The following NDRG4 variants were observed in gnomAD, a reference collection of about 807,000 sequenced individuals.
The protein encoded by NDRG4 is NDRG family member 4, also known as protein NDRG4.
Under a neutral mutation model 55.8 loss-of-function variants are expected in NDRG4, and 38 were observed. That is an observed-to-expected ratio of 0.68 (90% confidence interval 0.53 to 0.89). NDRG4 has a LOEUF of 0.89. Ranked by LOEUF, NDRG4 falls within the 40% of genes least tolerant of loss-of-function variation. The pLI is 0.00. For synonymous variants in NDRG4, 190 were observed against 182.7 expected, an observed-to-expected ratio of 1.04 and a Z score of -0.32; for missense variants, 455 against 468.6, an observed-to-expected ratio of 0.97 and a Z score of 0.27.
At chr16:58,473,019 A>G (rs763938722) in intron 1 of NDRG4, among the ~76,000 whole-genome samples, 20 of 152,110 alleles carry the variant, frequency 1.3e-4, no homozygotes, top group Non-Finnish European at 2.5e-4. Context: ...CACTCCCTAG[A>G]TGACCTCATC....
chr16:58,507,898 C>A, intron 9 of NDRG4, 34 bp downstream of exon 9: 1 of 1,613,974 alleles, frequency 6.2e-7, no homozygotes, highest in Non-Finnish European at 8.5e-7. Context: ...CCTGCCCTGG[C>A]CTTTGCCCCC....
chr16:58,474,954 C>T (rs2033422024), intron 1 of NDRG4, among the ~76,000 whole-genome samples: 1 of 152,194 alleles, frequency 6.6e-6, no homozygotes, highest in Non-Finnish European at 1.5e-5. Context: ...AACAGAGTCC[C>T]TCTCTGCCAG....
chr16:58,465,899 T>G (rs2031559723), intron 1 of NDRG4, among the ~76,000 whole-genome samples: 1 of 152,118 alleles, frequency 6.6e-6, no homozygotes, highest in African/African-American at 2.4e-5. Flanking sequence ...CTTGCCAACT[T>G]TTTCTTTGTG....
intron 14 of NDRG4, 95 bp from the exon 15 acceptor site, chr16:58,511,327 G>T: frequency 3.6e-6 from 5 of 1,397,870 alleles, no homozygotes; most frequent in South Asian, 1.4e-5. Context: ...TTCGAGGAAC[G>T]GTTCGCTGGC....
chr16:58,487,951 C>G, intron 2 of NDRG4: 1 of 871,344 alleles, frequency 1.1e-6, no homozygotes, highest in East Asian at 3.1e-5. Context: ...CTCCCTAGGG[C>G]CAGCCACACC....
chr16:58,511,673 G>C lies in NDRG4; in HGVS notation c.*97G>C. The stretch of plus-strand genomic sequence containing the variant: ...TAGTTTATTTTTGTGAGGGCAAAGG[G>C]GAGGAAATGGGGTTCTGTTTGAAAA... On this transcript the variant is annotated 3_prime_UTR_variant, in exon 15 of 15. Transcript: ENST00000570248. The C allele has an allele frequency of 6.9e-7, 1 of 1,441,482 alleles. No individual in the cohort carries two copies. The highest frequency in any genetic ancestry group is 9.7e-7 in the Non-Finnish European group (1 of 1,026,452). The allele number at this position is 1,441,482 out of a possible 1,614,324, so 89.3% of individuals were successfully genotyped here. A position where few individuals can be genotyped will look rare whatever the true frequency, so the allele number is the denominator to read the frequency against.
At chr16:58,492,529 TG>T (rs2035911403) in intron 2 of NDRG4, among the ~76,000 whole-genome samples, 1 of 95,488 alleles carries the variant, frequency 1.0e-5, no homozygotes, top group African/African-American at 3.5e-5. Context: ...TGTGTGTGTG[TG>T]TGTGTGTGTG....
chr16:58,490,700 G>C (rs916722210), intron 2 of NDRG4, among the ~76,000 whole-genome samples: 1 of 152,220 alleles, frequency 6.6e-6, no homozygotes, highest in Non-Finnish European at 1.5e-5. Flanking sequence ...ATTCCCGCCA[G>C]ACATGTTGGC....
chr16:58,506,625 G>T lies in NDRG4; in HGVS notation c.516+11G>T, dbSNP rs763618919. 3.2e-6 allele frequency: 5 copies of T among 1,549,900 alleles called. No individual in the cohort carries two copies. The highest frequency in any genetic ancestry group is 2.4e-5 in the South Asian group (2 of 83,664). On this transcript the variant is annotated intron_variant, in intron 7 of 14. Coordinates refer to ENST00000570248, the MANE Select transcript of NDRG4 (RefSeq NM_001242835.2). Reference sequence around the variant, plus strand: ...CACCTCTTCAGCCAGGTAAGGGGGGGAACTTCTGCAGATCTGGGGTGATCT... The same window carrying T: ...CACCTCTTCAGCCAGGTAAGGGGGGTAACTTCTGCAGATCTGGGGTGATCT...
intron 1 of NDRG4, among the ~76,000 whole-genome samples, chr16:58,473,916 C>CA (rs1370064873): frequency 6.6e-6 from 1 of 152,056 alleles, no homozygotes; most frequent in Non-Finnish European, 1.5e-5. Flanking sequence ...TAACAACCTT[C>CA]AGGGCTGAAC....
At chr16:58,506,229 AGAG>A (rs1327760662) in intron 5 of NDRG4, 155 bp from the exon 6 acceptor site, 4 of 736,738 alleles carry the variant, frequency 5.4e-6, no homozygotes, top group African/African-American at 1.7e-5. Flanking sequence ...GGGTTCAGTG[AGAG>A]GAGGACAGGC....
intron 1 of NDRG4, 26 bp downstream of exon 1, chr16:58,500,295 A>AG: frequency 6.5e-7 from 1 of 1,535,264 alleles, no homozygotes; most frequent in Non-Finnish European, 8.7e-7. Context: ...GCGGGCATCA[A>AG]GGTGGGCCGG....
upstream of NDRG4, among the ~76,000 whole-genome samples, chr16:58,498,010 C>T (rs1400802520): frequency 1.3e-5 from 2 of 152,056 alleles, no homozygotes; most frequent in Non-Finnish European, 1.5e-5. Flanking sequence ...CCAGGAAGGA[C>T]TTAAACCCAC....
chr16:58,489,872 TC>T (rs2035568549), intron 2 of NDRG4, among the ~76,000 whole-genome samples: 1 of 152,022 alleles, frequency 6.6e-6, no homozygotes, highest in Non-Finnish European at 1.5e-5. Flanking sequence ...TGAAGCAGGG[TC>T]TCACTCTGTC....
At chr16:58,504,672 T>G in intron 5 of NDRG4, 23 bp downstream of exon 5, 2 of 1,614,042 alleles carry the variant, frequency 1.2e-6, no homozygotes, top group Non-Finnish European at 1.7e-6. Flanking sequence ...ATGCCCCCAT[T>G]ACCCCAAACA....
chr16:58,487,865 C>T, intron 2 of NDRG4: 1 of 1,525,928 alleles, frequency 6.6e-7, no homozygotes. Flanking sequence ...GTTGGAGTCG[C>T]GCCTTTGAGG....
intron 1 of NDRG4, among the ~76,000 whole-genome samples, chr16:58,483,361 T>G (rs1341643884): frequency 6.6e-6 from 1 of 151,728 alleles, no homozygotes; most frequent in African/African-American, 2.4e-5. Flanking sequence ...TGCTCCTGTT[T>G]GCCTTTAAAA....
At chr16:58,467,201 C>G (rs1156720323) in intron 1 of NDRG4, among the ~76,000 whole-genome samples, 3 of 152,190 alleles carry the variant, frequency 2.0e-5, no homozygotes, top group African/African-American at 7.2e-5. Context: ...GAAATTTTTA[C>G]TGAATTTTAA....
Position 58,506,611 on chromosome 16 carries a change from C to G in NDRG4, c.513C>G (p.Ser171Arg). The change falls in exon 7 of 15, where the codon AGC becomes AGG. Residue 171 changes from serine to arginine, a missense_variant. Transcript: ENST00000570248. ...LPDTVLSHLF[S>R]QEELVNNTEL... ...ACACGGTGCTCTCCCACCTCTTCAG[C>G]CAGGTAAGGGGGGGAACTTCTGCAG... The G allele has an allele frequency of 6.4e-7, 1 of 1,554,702 alleles. No homozygotes were observed. Among genetic ancestry groups the G allele is most frequent in the Non-Finnish European group, 8.7e-7 (1 of 1,152,158 alleles).
Sources: allele counts gnomAD v4.1 joint callset (sites outside exome capture counted in the v4.1 genomes callset), GRCh38; gene constraint gnomAD v4.1.1; transcripts MANE v1.5; gene names NCBI Gene and HGNC (gene_info 2026-07-23, HGNC 2026-07-21).